Variants in SNTG1 observed in about 807,000 individuals in gnomAD.
SNTG1 encodes the protein gamma-1-syntrophin.
In SNTG1, 39 loss-of-function variants were observed where a neutral mutation model predicts 74.7. The observed-to-expected ratio is 0.52, with a 90% CI of 0.40 to 0.68. The LOEUF (loss-of-function observed/expected upper bound fraction) is 0.68, where lower values mean the gene tolerates loss of function less well. Ranked by LOEUF, SNTG1 falls within the 30% of genes least tolerant of loss-of-function variation. The pLI is 0.00. For missense variants in SNTG1, 685 were observed against 609.5 expected, an observed-to-expected ratio of 1.12 and a Z score of -1.30; for synonymous variants, 254 against 217.1, an observed-to-expected ratio of 1.17 and a Z score of -1.49.
intron 2 of SNTG1, among the ~76,000 whole-genome samples, chr8:50,369,814 C>A (rs552589907): frequency 1.3e-5 from 2 of 152,120 alleles, no homozygotes; most frequent in Non-Finnish European, 2.9e-5. Flanking sequence ...TTTATTATGG[C>A]AGCCCAAACT....
intron 8 of SNTG1, among the ~76,000 whole-genome samples, chr8:50,501,601 A>ATTTTTTTTT (rs560933146): frequency 7.9e-6 from 1 of 125,798 alleles, no homozygotes; most frequent in Non-Finnish European, 1.6e-5. Flanking sequence ...AAGACCGGTT[A>ATTTTTTTTT]TTTTTTTTTA....
At chr8:50,483,361 C>T (rs2093756691) in intron 8 of SNTG1, among the ~76,000 whole-genome samples, 1 of 151,750 alleles carries the variant, frequency 6.6e-6, no homozygotes, top group Non-Finnish European at 1.5e-5. Flanking sequence ...TCTCCCTACC[C>T]ATTTTTTAAT....
At chr8:50,036,722 T>C (rs962127738) in intron 1 of SNTG1, among the ~76,000 whole-genome samples, 2 of 152,234 alleles carry the variant, frequency 1.3e-5, no homozygotes, top group Non-Finnish European at 2.9e-5. Context: ...TTATTTCTTA[T>C]GCATAAACAG....
At chr8:50,389,983 G>A (rs541038232) in intron 2 of SNTG1, among the ~76,000 whole-genome samples, 4 of 152,118 alleles carry the variant, frequency 2.6e-5, no homozygotes, top group African/African-American at 9.7e-5. Flanking sequence ...CTGGATATTA[G>A]CCCTTTGTCA....
intron 1 of SNTG1, among the ~76,000 whole-genome samples, chr8:49,966,293 T>C (rs114678569): frequency 8.9e-4 from 135 of 152,310 alleles, no homozygotes; most frequent in African/African-American, 3.2e-3. Flanking sequence ...TTTGTTGATT[T>C]GTACGGGAAA....
intron 15 of SNTG1, among the ~76,000 whole-genome samples, chr8:50,678,032 C>A (rs2095315965): frequency 6.6e-6 from 1 of 151,806 alleles, no homozygotes; most frequent in Non-Finnish European, 1.5e-5. Flanking sequence ...GTGCAGCAAA[C>A]CACCATGTCA....
intron 1 of SNTG1, among the ~76,000 whole-genome samples, chr8:50,007,841 C>A (rs1815388988): frequency 6.6e-6 from 1 of 152,126 alleles, no homozygotes; most frequent in Non-Finnish European, 1.5e-5. Flanking sequence ...AATTGACTCA[C>A]AATTCCTCAT....
chr8:50,384,593 T>A (rs1235735552), intron 2 of SNTG1, among the ~76,000 whole-genome samples: 3 of 152,112 alleles, frequency 2.0e-5, no homozygotes, highest in Non-Finnish European at 4.4e-5. Flanking sequence ...TGCTGACAAA[T>A]TGGGCACTCA....
intron 1 of SNTG1, among the ~76,000 whole-genome samples, chr8:50,104,174 G>C (rs1384324228): frequency 6.6e-6 from 1 of 152,176 alleles, no homozygotes; most frequent in Non-Finnish European, 1.5e-5. Flanking sequence ...GAATTCAGCT[G>C]TGAATCCATC....
chr8:50,631,564 A>C (rs1386766207), intron 13 of SNTG1, among the ~76,000 whole-genome samples: 1 of 152,222 alleles, frequency 6.6e-6, no homozygotes, highest in Non-Finnish European at 1.5e-5. Context: ...GGGGGTGATC[A>C]CATGTTATAT....
At chr8:50,098,177 G>T (rs1363073984) in intron 1 of SNTG1, among the ~76,000 whole-genome samples, 1 of 151,970 alleles carries the variant, frequency 6.6e-6, no homozygotes, top group Non-Finnish European at 1.5e-5. Context: ...TTATTTTCAT[G>T]GTTTCAAATC....
At chr8:50,704,117 T>G (rs1202995201) in intron 15 of SNTG1, among the ~76,000 whole-genome samples, 1 of 152,238 alleles carries the variant, frequency 6.6e-6, no homozygotes, top group Non-Finnish European at 1.5e-5. Flanking sequence ...TAATGCGTTT[T>G]TTTTTAAGCA....
intron 17 of SNTG1, among the ~76,000 whole-genome samples, chr8:50,729,535 T>A (rs771645831): frequency 1.3e-5 from 2 of 151,544 alleles, no homozygotes; most frequent in Non-Finnish European, 1.5e-5. Context: ...CTACCTCCCC[T>A]CCAGTGATGG....
At chr8:50,325,874 A>C (rs1374683042) in intron 2 of SNTG1, among the ~76,000 whole-genome samples, 1 of 151,948 alleles carries the variant, frequency 6.6e-6, no homozygotes, top group Non-Finnish European at 1.5e-5. Flanking sequence ...TTATTCTGTA[A>C]ATGTTCTTTT....
At chr8:50,286,103 C>T (rs1313377583) in intron 2 of SNTG1, among the ~76,000 whole-genome samples, 1 of 149,146 alleles carries the variant, frequency 6.7e-6, no homozygotes, top group East Asian at 1.9e-4. Context: ...TCTCTTTTTC[C>T]TATATGACCA....
chr8:50,055,435 T>TA (rs920817096), intron 1 of SNTG1, among the ~76,000 whole-genome samples: 1 of 152,154 alleles, frequency 6.6e-6, no homozygotes, highest in Non-Finnish European at 1.5e-5. Flanking sequence ...CAATGAACTT[T>TA]AAAAAACATG....
intron 15 of SNTG1, among the ~76,000 whole-genome samples, chr8:50,702,530 GA>G (rs1280174876): frequency 6.6e-6 from 1 of 152,128 alleles, no homozygotes; most frequent in African/African-American, 2.4e-5. Context: ...CCAAAGCAGA[GA>G]ATTCCATCTA....
At chr8:49,973,563 A>T (rs1166712238) in intron 1 of SNTG1, among the ~76,000 whole-genome samples, 2 of 152,126 alleles carry the variant, frequency 1.3e-5, no homozygotes, top group East Asian at 3.9e-4. Context: ...GATGAGATGA[A>T]ATTTACTGCT....
chr8:50,502,167 T>G (rs1048364715), intron 8 of SNTG1, among the ~76,000 whole-genome samples: 2 of 152,156 alleles, frequency 1.3e-5, no homozygotes, highest in African/African-American at 4.8e-5. Context: ...CTGATGCTAT[T>G]GATAATAACA....
Sources: gnomAD v4.1 joint callset for allele counts (sites outside exome capture counted in the v4.1 genomes callset) on GRCh38, gnomAD v4.1.1 for gene constraint, MANE v1.5 for transcripts, NCBI Gene and HGNC (gene_info 2026-07-23, HGNC 2026-07-21) for gene names.